Variants in ARHGAP5 observed in about 807,000 individuals in gnomAD.
ARHGAP5 encodes the protein Rho GTPase activating protein 5.
In ARHGAP5, 23 loss-of-function variants were observed where a neutral mutation model predicts 116.6. The ratio of observed to expected loss-of-function variants is 0.20; its 90% CI spans 0.14 to 0.28. The LOEUF (loss-of-function observed/expected upper bound fraction) is 0.28, where lower values mean the gene tolerates loss of function less well. Ranked by LOEUF, ARHGAP5 falls within the 10% of genes least tolerant of loss-of-function variation. ARHGAP5 has a pLI of 1.00. For missense variants in ARHGAP5, 1,405 were observed against 1,774.8 expected (o/e 0.79, Z 3.74); for synonymous variants, 574 against 602.0 (o/e 0.95, Z 0.68).
In ARHGAP5 at chr14:32,105,474, A is replaced by G. The variant is rs556229856; in HGVS notation, c.3717+11088A>G. 9.9e-5 allele frequency among the ~76,000 whole-genome samples: 15 copies of G among 151,228 alleles called. No individual in the cohort carries two copies. The East Asian group carries it at 1.9e-3, about 20-fold the overall frequency. On this transcript the variant is annotated intron_variant, in intron 2 of 6. Transcript: ENST00000345122. ...TGAGCTAATTGTTGATTCATATGCT[A>G]TTGTTTTTTTTTTTAAAAAAAAGAG...
chr14:32,151,436 C>G (rs1881633940), intron 5 of ARHGAP5, among the ~76,000 whole-genome samples: 1 of 152,216 alleles, frequency 6.6e-6, no homozygotes. Flanking sequence ...AAAGGAAAAT[C>G]TTTGATAAGC....
chr14:32,102,383 C>A (rs1878832091), intron 2 of ARHGAP5, among the ~76,000 whole-genome samples: 1 of 152,190 alleles, frequency 6.6e-6, no homozygotes, highest in Non-Finnish European at 1.5e-5. Flanking sequence ...TTAGGTCTGA[C>A]CAGCCTGGGC....
chr14:32,080,077 C>A (rs959118855), intron 1 of ARHGAP5, among the ~76,000 whole-genome samples: 1 of 151,788 alleles, frequency 6.6e-6, no homozygotes, highest in Admixed American at 6.6e-5. Context: ...AGGCTTTTGT[C>A]GATTATTTTA....
At chr14:32,108,249 T>C (rs1879109486) in intron 2 of ARHGAP5, among the ~76,000 whole-genome samples, 1 of 152,060 alleles carries the variant, frequency 6.6e-6, no homozygotes, top group Non-Finnish European at 1.5e-5. Context: ...GGAGCAAGAA[T>C]TGGGGCAGTA....
At chr14:32,097,849 A>G (rs1475523215) in intron 2 of ARHGAP5, among the ~76,000 whole-genome samples, 1 of 152,244 alleles carries the variant, frequency 6.6e-6, no homozygotes, top group Non-Finnish European at 1.5e-5. Context: ...AGAGAAAGTA[A>G]TTACAGAAGA....
chr14:32,086,186 C>T (rs2041827981), intron 1 of ARHGAP5, among the ~76,000 whole-genome samples: 1 of 152,112 alleles, frequency 6.6e-6, no homozygotes, highest in Non-Finnish European at 1.5e-5. Flanking sequence ...GTGCAAAGAA[C>T]ATGCCTTAGC....
intron 3 of ARHGAP5, among the ~76,000 whole-genome samples, chr14:32,141,960 A>G (rs546702830): frequency 6.6e-6 from 1 of 152,172 alleles, no homozygotes; most frequent in East Asian, 1.9e-4. Flanking sequence ...TTCAGACTGG[A>G]TAATCTCAAC....
intron 3 of ARHGAP5, among the ~76,000 whole-genome samples, chr14:32,136,561 C>T (rs773246203): frequency 1.3e-4 from 20 of 152,130 alleles, no homozygotes; most frequent in Non-Finnish European, 2.4e-4. Flanking sequence ...AATAGTGCTG[C>T]TGTGAATGTT....
At chr14:32,115,435 G>A (rs1289714680) in intron 2 of ARHGAP5, among the ~76,000 whole-genome samples, 7 of 152,008 alleles carry the variant, frequency 4.6e-5, no homozygotes, top group Admixed American at 6.5e-5. Flanking sequence ...AGGCCAAGGC[G>A]GGAGGATCAC....
At chr14:32,108,289 G>T (rs985872639) in intron 2 of ARHGAP5, among the ~76,000 whole-genome samples, 2 of 152,014 alleles carry the variant, frequency 1.3e-5, no homozygotes, top group Non-Finnish European at 2.9e-5. Context: ...TCAAAGGAGG[G>T]TTTTTGTGTT....
At chr14:32,107,587 C>T (rs1028131797) in intron 2 of ARHGAP5, among the ~76,000 whole-genome samples, 7 of 151,956 alleles carry the variant, frequency 4.6e-5, no homozygotes, top group South Asian at 2.1e-4. Context: ...GGAAGTTGTA[C>T]CAATAGGGCT....
In ARHGAP5 at chr14:32,088,140, T is replaced by C. The variant is rs1319310701; in HGVS notation, c.-168-2362T>C. On this transcript the variant is annotated intron_variant, in intron 1 of 6. Coordinates refer to ENST00000345122, the MANE Select transcript of ARHGAP5 (RefSeq NM_001030055.2). ...TAATGAGTAATAGTATTCAGAATTA[T>C]ATTATTTGGGTAAGCATATATGACT... 2.0e-5 allele frequency among the ~76,000 whole-genome samples: 3 copies of C among 152,140 alleles called. No homozygotes were observed. In the East Asian group the frequency reaches 5.8e-4, roughly 29 times the overall value.
intron 1 of ARHGAP5, among the ~76,000 whole-genome samples, chr14:32,079,452 A>C (rs1204106698): frequency 6.6e-6 from 1 of 152,210 alleles, no homozygotes. Flanking sequence ...GTCACAAGAT[A>C]CTTATCCTAA....
At chr14:32,085,544 A>G (rs952121020) in intron 1 of ARHGAP5, among the ~76,000 whole-genome samples, 1 of 152,216 alleles carries the variant, frequency 6.6e-6, no homozygotes, top group Non-Finnish European at 1.5e-5. Context: ...CAAATTATTC[A>G]TCTTTTAGTG....
At chr14:32,112,468 T>A (rs1351407608) in intron 2 of ARHGAP5, among the ~76,000 whole-genome samples, 1 of 152,234 alleles carries the variant, frequency 6.6e-6, no homozygotes, top group Admixed American at 6.5e-5. Context: ...AATGTTTGTT[T>A]TACTGTGATG....
chr14:32,148,753 G>A (rs1427878242), intron 4 of ARHGAP5, among the ~76,000 whole-genome samples: 2 of 152,060 alleles, frequency 1.3e-5, no homozygotes, highest in Non-Finnish European at 2.9e-5. Flanking sequence ...AGGCTGAAAG[G>A]AAACATGCTA....
chr14:32,105,216 A>G (rs1354141473), intron 2 of ARHGAP5, among the ~76,000 whole-genome samples: 1 of 152,200 alleles, frequency 6.6e-6, no homozygotes, highest in Admixed American at 6.5e-5. Context: ...TATAGGTCAT[A>G]GCGTTTTCTT....
In ARHGAP5 at chr14:32,117,265, T is replaced by C. The variant is rs750973015; in HGVS notation, c.3843T>C (p.Cys1281=). The C allele has an allele frequency of 6.2e-7, 1 of 1,604,546 alleles. No homozygotes were observed. Among genetic ancestry groups the C allele is most frequent in the South Asian group, 1.1e-5 (1 of 88,800 alleles). ...CCATACCACTATTTGTTGAGAAATG[T>C]GTGGAATTTATTGAAGATACAGGTA... ...EKPIPLFVEK[C]VEFIEDTGLC... is the part of the protein sequence containing the mutation. Residue 1281 remains cysteine (C), a synonymous_variant, in exon 3 of 7, where the codon TGT becomes TGC. Coordinates refer to ENST00000345122, the MANE Select transcript of ARHGAP5 (RefSeq NM_001030055.2).
chr14:32,122,180 T>C (rs1380006963), intron 3 of ARHGAP5, among the ~76,000 whole-genome samples: 1 of 152,186 alleles, frequency 6.6e-6, no homozygotes, highest in East Asian at 1.9e-4. Context: ...ATTTTGCCAA[T>C]GTTTATTTTT....
Sources: allele counts gnomAD v4.1 joint callset (sites outside exome capture counted in the v4.1 genomes callset), GRCh38; gene constraint gnomAD v4.1.1; transcripts MANE v1.5; gene names NCBI Gene and HGNC (gene_info 2026-07-23, HGNC 2026-07-21).